The following SRPK2 variants were observed in gnomAD, a reference collection of about 807,000 sequenced individuals.
SRPK2 encodes SFRS protein kinase 2.
In SRPK2, 21 loss-of-function variants were observed where a neutral mutation model predicts 90.8. The ratio of observed to expected loss-of-function variants is 0.23; its 90% CI spans 0.16 to 0.33. The LOEUF (loss-of-function observed/expected upper bound fraction) is 0.33. SRPK2 is among the 10% of genes least tolerant of loss of function. The pLI is 1.00. For missense variants in SRPK2, 620 were observed against 869.0 expected, an observed-to-expected ratio of 0.71 and a Z score of 3.60; for synonymous variants, 288 against 311.1, an observed-to-expected ratio of 0.93 and a Z score of 0.78.
At chr7:105,396,820 AAGAG>A (rs141143136) in intron 1 of SRPK2, among the ~76,000 whole-genome samples, 54,669 of 119,528 alleles carry the variant, frequency 0.46, 15,181 homozygotes, top group South Asian at 0.6. Flanking sequence ...GAAAGAGAGA[AAGAG>A]AGAGAGAGAG....
intron 2 of SRPK2, among the ~76,000 whole-genome samples, chr7:105,216,669 AAG>A (rs1274316428): frequency 3.3e-5 from 5 of 149,304 alleles, no homozygotes; most frequent in East Asian, 1.9e-4. Flanking sequence ...AAAAAAAAAA[AAG>A]AGAGAGAGAG....
intron 1 of SRPK2, among the ~76,000 whole-genome samples, chr7:105,394,438 C>G (rs1822268965): frequency 6.6e-6 from 1 of 151,636 alleles, no homozygotes; most frequent in African/African-American, 2.4e-5. Flanking sequence ...ACGCGCCCAG[C>G]CAATTTGTGG....
chr7:105,387,263 C>CT (rs1274732746), intron 2 of SRPK2, among the ~76,000 whole-genome samples: 1 of 152,202 alleles, frequency 6.6e-6, no homozygotes, highest in African/African-American at 2.4e-5. Flanking sequence ...AAACACAGTA[C>CT]TTATTCAGAA....
At chr7:105,279,569 C>A (rs1181013415) in intron 2 of SRPK2, among the ~76,000 whole-genome samples, 1 of 152,174 alleles carries the variant, frequency 6.6e-6, no homozygotes, top group African/African-American at 2.4e-5. Context: ...AGCCTAAAGG[C>A]TGCATGGATA....
At chr7:105,125,252 G>C (rs1321254331) in intron 15 of SRPK2, among the ~76,000 whole-genome samples, 1 of 152,072 alleles carries the variant, frequency 6.6e-6, no homozygotes, top group African/African-American at 2.4e-5. Context: ...TAAACAGTTG[G>C]AAGATCAGTA....
At chr7:105,247,531 A>AACAAACACAC (rs376198921) in intron 2 of SRPK2, among the ~76,000 whole-genome samples, 2 of 145,162 alleles carry the variant, frequency 1.4e-5, no homozygotes, top group Admixed American at 6.9e-5. Flanking sequence ...CACACACATA[A>AACAAACACAC]ACACACACAC....
intron 7 of SRPK2, among the ~76,000 whole-genome samples, chr7:105,159,466 A>AAAAAAAAAC (rs1316365933): frequency 0.046 from 5,226 of 113,330 alleles, 435 homozygotes; most frequent in East Asian, 0.094. Flanking sequence ...AAAAAAAAAA[A>AAAAAAAAAC]AAAAAAACCG....
intron 2 of SRPK2, among the ~76,000 whole-genome samples, chr7:105,212,363 G>C (rs772809030): frequency 6.6e-6 from 1 of 152,174 alleles, no homozygotes; most frequent in South Asian, 2.1e-4. Context: ...GTAAGCAACT[G>C]CTCCTGGTAT....
chr7:105,326,850 T>C (rs1423020037), intron 2 of SRPK2, among the ~76,000 whole-genome samples: 1 of 151,892 alleles, frequency 6.6e-6, no homozygotes, highest in African/African-American at 2.4e-5. Context: ...TCACCTGAGG[T>C]CAGGAGTTCA....
intron 13 of SRPK2, among the ~76,000 whole-genome samples, chr7:105,131,767 T>G (rs1215911015): frequency 1.3e-5 from 2 of 152,078 alleles, no homozygotes; most frequent in East Asian, 3.8e-4. Flanking sequence ...CTTTTTTCAG[T>G]GAGAAGAAAA....
In SRPK2 at chr7:105,331,308, C is replaced by CAAAAAAAAAAAAAAAA. The variant is rs57653042; in HGVS notation, c.71+57324_71+57339dup. Among the ~76,000 whole-genome samples, 27 of 45,106 alleles carry CAAAAAAAAAAAAAAAA rather than the reference C, an allele frequency of 6.0e-4. 4 individuals are homozygous for CAAAAAAAAAAAAAAAA. The highest frequency in any genetic ancestry group is 1.7e-3 in the African/African-American group (15 of 8,858). 29.6% of individuals were successfully genotyped at this position (45,106 alleles called of 152,430 possible). A position where few individuals can be genotyped will look rare whatever the true frequency, so the allele number is the denominator to read the frequency against. ...TGGGCGACAGAGCGAGACTCCGTCT[C>CAAAAAAAAAAAAAAAA]AAAAAAAAAAAAAAAAAAAAAAAAA... On this transcript the variant is annotated intron_variant, in intron 2 of 15. Coordinates refer to ENST00000393651, the MANE Select transcript of SRPK2 (RefSeq NM_182692.3).
chr7:105,313,631 A>AT (rs1479371500), intron 2 of SRPK2, among the ~76,000 whole-genome samples: 1 of 151,764 alleles, frequency 6.6e-6, no homozygotes, highest in Non-Finnish European at 1.5e-5. Flanking sequence ...TGGACCTGTA[A>AT]TCCCAGCTAC....
At chr7:105,253,845 G>A (rs1353719391) in intron 2 of SRPK2, among the ~76,000 whole-genome samples, 3 of 152,058 alleles carry the variant, frequency 2.0e-5, no homozygotes, top group African/African-American at 7.2e-5. Flanking sequence ...ATGAGGCCAT[G>A]GTTGAAAAGG....
intron 2 of SRPK2, among the ~76,000 whole-genome samples, chr7:105,275,896 T>C (rs1806418878): frequency 6.6e-6 from 1 of 152,162 alleles, no homozygotes; most frequent in African/African-American, 2.4e-5. Flanking sequence ...CTGACTTTTG[T>C]CAAGTGGAAA....
intron 2 of SRPK2, among the ~76,000 whole-genome samples, chr7:105,382,599 GCAA>G (rs1048242922): frequency 2.0e-5 from 3 of 146,936 alleles, no homozygotes; most frequent in Non-Finnish European, 4.5e-5. Context: ...GCTCACACAG[GCAA>G]CAACATGGAT....
Position 105,348,350 on chromosome 7 carries a change from T to C in SRPK2, c.71+40298A>G, listed in dbSNP as rs568945596. Among the ~76,000 whole-genome samples, 3 of 151,528 alleles carry C rather than the reference T, an allele frequency of 2.0e-5. No homozygotes were observed. The South Asian group carries it at 6.3e-4, about 32-fold the overall frequency. On this transcript the variant is annotated intron_variant, in intron 2 of 15. Transcript: ENST00000393651. Reference sequence around the variant, plus strand: ...CTTCCCAAAGTGCTGGGATTACAGGTGTGAGTCACCGCGCACAGCAGTCAA... The same window carrying C: ...CTTCCCAAAGTGCTGGGATTACAGGCGTGAGTCACCGCGCACAGCAGTCAA...
chr7:105,157,507 T>C (rs1319250341), intron 7 of SRPK2, among the ~76,000 whole-genome samples: 4 of 152,200 alleles, frequency 2.6e-5, no homozygotes, highest in Non-Finnish European at 5.9e-5. Flanking sequence ...CTGGAGTATG[T>C]AATTTCTTGA....
chr7:105,356,878 C>T (rs540642628), intron 2 of SRPK2, among the ~76,000 whole-genome samples: 1 of 152,240 alleles, frequency 6.6e-6, no homozygotes, highest in South Asian at 2.1e-4. Flanking sequence ...ATGAAAGACC[C>T]TGAGACAGCT....
intron 2 of SRPK2, among the ~76,000 whole-genome samples, chr7:105,244,339 G>C (rs1585326391): frequency 6.6e-6 from 1 of 152,356 alleles, no homozygotes; most frequent in East Asian, 1.9e-4. Context: ...GGAGGCCGAG[G>C]CTGGTGGATC....
Sources: allele counts gnomAD v4.1 joint callset (sites outside exome capture counted in the v4.1 genomes callset), GRCh38; gene constraint gnomAD v4.1.1; transcripts MANE v1.5; gene names NCBI Gene and HGNC (gene_info 2026-07-23, HGNC 2026-07-21).